Variants in RAD21L1 observed in about 807,000 individuals in gnomAD.
RAD21L1 encodes the protein double-strand-break repair protein rad21-like protein 1.
In RAD21L1, 47 loss-of-function variants were observed where a neutral mutation model predicts 69.0. The observed-to-expected ratio is 0.68, with a 90% CI of 0.54 to 0.87. RAD21L1 has a LOEUF of 0.87. RAD21L1 is among the 40% of genes least tolerant of loss of function. The probability of loss-of-function intolerance (pLI) is 0.00; values close to 1 mark genes in which losing one functional copy is unlikely to be tolerated. For synonymous variants in RAD21L1, 177 were observed against 205.8 expected (o/e 0.86, Z 1.20); for missense variants, 583 against 647.6 (o/e 0.90, Z 1.08).
At position 1,255,172 on chromosome 20, in the gene RAD21L1, C is replaced by G. The variant is rs953144140; in HGVS notation, c.*715C>G. Among the ~76,000 whole-genome samples, 4 of 152,096 alleles carry G rather than the reference C, an allele frequency of 2.6e-5. No individual in the cohort carries two copies. Among genetic ancestry groups the G allele is most frequent in the African/African-American group, 9.7e-5 (4 of 41,408 alleles). Reference sequence around the variant, plus strand: ...TTTAGTCTATTTATAGGTCACTTAACTTTTTTATTTACTATTTAATGATTA... The same window carrying G: ...TTTAGTCTATTTATAGGTCACTTAAGTTTTTTATTTACTATTTAATGATTA... On this transcript the variant is annotated 3_prime_UTR_variant, in exon 14 of 14. Coordinates refer to ENST00000683101, the MANE Select transcript of RAD21L1 (RefSeq NM_001384355.1).
chr20:1,243,212 TCTG>T lies in RAD21L1; in HGVS notation c.1183+17_1183+19del, dbSNP rs532178503. The T allele has an allele frequency of 2.1e-4, 271 of 1,276,162 alleles. 1 individual carries two copies. In the African/African-American group the frequency reaches 3.7e-3, roughly 18 times the overall value. The allele number at this position is 1,276,162 out of a possible 1,614,324, so 79.1% of individuals were successfully genotyped here. ...AATATAGTAGGTGAGACTTCTTAAT[TCTG>T]TTGATGTTGAGGGGAATGCTGTGGA... is the stretch of plus-strand genomic sequence containing the variant. On this transcript the variant is annotated intron_variant, in intron 10 of 13. Transcript: ENST00000683101.
chr20:1,234,258 T>C (rs2087451752), intron 5 of RAD21L1, 67 bp downstream of exon 5: 2 of 741,418 alleles, frequency 2.7e-6, no homozygotes, highest in Admixed American at 4.4e-5. Context: ...TGTATTGAAA[T>C]AATGCCAGTA....
chr20:1,254,291 A>C lies in RAD21L1; in HGVS notation c.1502A>C (p.Gln501Pro). 1 of 1,528,190 alleles carries C rather than the reference A, an allele frequency of 6.5e-7. No individual in the cohort carries two copies. Among genetic ancestry groups the C allele is most frequent in the South Asian group, 1.2e-5 (1 of 80,172 alleles). 94.7% of individuals were successfully genotyped at this position (1,528,190 alleles called of 1,614,324 possible). The change falls in exon 14 of 14, where the codon CAG becomes CCG. Residue 501 changes from glutamine (Q) to proline (P), a missense_variant. By Grantham distance (76) the Gln-to-Pro change is moderately conservative (BLOSUM62 -1). Coordinates refer to ENST00000683101, the MANE Select transcript of RAD21L1 (RefSeq NM_001384355.1). The part of the protein sequence containing the change: ...RLRESNKMGM[Q>P]SFSLMKLCRN... The stretch of plus-strand genomic sequence containing the variant: ...CAGGAATCTAACAAGATGGGAATGC[A>C]GTCCTTTAGTCTGATGAAGCTCTGT...
intron 7 of RAD21L1, 84 bp from the exon 8 acceptor site, chr20:1,240,231 GTTTATC>G (rs1293820427): frequency 2.1e-6 from 3 of 1,409,616 alleles, no homozygotes; most frequent in African/African-American, 1.5e-5. Flanking sequence ...TCTTCAGTTA[GTTTATC>G]TTTATCTTTA....
chr20:1,231,709 A>T (rs1055290065), intron 4 of RAD21L1, 90 bp downstream of exon 4: 2 of 686,692 alleles, frequency 2.9e-6, no homozygotes, highest in Non-Finnish European at 5.1e-6. Context: ...GAATGTAGTT[A>T]ACAACTGCAC....
rs867848786 is a variant in RAD21L1 at position 1,238,093 on chromosome 20, A to G, written c.525A>G (p.Ile175Met). The change falls in exon 6 of 14, where the codon ATA becomes ATG. Residue 175 changes from isoleucine (I) to methionine (M), a missense_variant. By Grantham distance (10) the Ile-to-Met change is conservative. Transcript: ENST00000683101. ...LRRHSFFDDNILLNSSGPLIE... is the reference protein window; with the variant it reads ...LRRHSFFDDNMLLNSSGPLIE... ...GACATAGCTTCTTTGATGACAACAT[A>G]TTACTGAATTCCAGTGGTCCTTTAA... 14 of 1,541,686 alleles carry G rather than the reference A, an allele frequency of 9.1e-6. No individual in the cohort carries two copies. Among genetic ancestry groups the G allele is most frequent in the Admixed American group, 3.9e-5 (2 of 50,930 alleles).
At chr20:1,237,871 C>G (rs2087532337) in intron 5 of RAD21L1, among the ~76,000 whole-genome samples, 173 bp from the exon 6 acceptor site, 1 of 152,152 alleles carries the variant, frequency 6.6e-6, no homozygotes, top group African/African-American at 2.4e-5. Context: ...AATCATGTCT[C>G]TACTGATTGA....
chr20:1,249,902 A>G (rs1360738955), intron 13 of RAD21L1, among the ~76,000 whole-genome samples: 1 of 152,070 alleles, frequency 6.6e-6, no homozygotes, highest in African/African-American at 2.4e-5. Flanking sequence ...CATGTGCACA[A>G]CGTGCAGGTT....
chr20:1,240,848 T>C (rs1222114443), intron 8 of RAD21L1, among the ~76,000 whole-genome samples: 3 of 152,220 alleles, frequency 2.0e-5, no homozygotes, highest in Non-Finnish European at 4.4e-5. Context: ...GGTATAAATA[T>C]GACTGCAAAA....
chr20:1,227,936 T>C (rs1336263405), intron 1 of RAD21L1, among the ~76,000 whole-genome samples: 1 of 152,214 alleles, frequency 6.6e-6, no homozygotes, highest in Non-Finnish European at 1.5e-5. Flanking sequence ...CCAGAGTATC[T>C]TGAAGAGGGC....
At chr20:1,242,553 A>G in intron 8 of RAD21L1, 66 bp from the exon 9 acceptor site, 1 of 1,221,424 alleles carries the variant, frequency 8.2e-7, no homozygotes. Flanking sequence ...TTAAGTATTT[A>G]GTGCCTACAA....
chr20:1,249,977 G>A (rs968479951), intron 13 of RAD21L1, among the ~76,000 whole-genome samples: 1 of 150,642 alleles, frequency 6.6e-6, no homozygotes, highest in Non-Finnish European at 1.5e-5. Flanking sequence ...TTTACATTAG[G>A]TATATCTCCT....
Position 1,242,846 on chromosome 20 carries a change from G to A in RAD21L1, c.1083+1G>A, listed in dbSNP as rs1272581071. On this transcript the variant is annotated splice_donor_variant, in intron 9 of 13. Transcript: ENST00000683101. LOFTEE classifies it high-confidence loss of function. Reference sequence around the variant, plus strand: ...TTTGATTCATGCTGAACTGAAAATGGTAACGGTTCCTACCCTTCTACATGT... The same window carrying A: ...TTTGATTCATGCTGAACTGAAAATGATAACGGTTCCTACCCTTCTACATGT... 4 of 1,543,804 alleles carry A rather than the reference G, an allele frequency of 2.6e-6. No individual in the cohort carries two copies. Among genetic ancestry groups the A allele is most frequent in the South Asian group, 1.2e-5 (1 of 83,908 alleles).
In RAD21L1 at chr20:1,239,405, C is replaced by T. The variant is rs555126409; in HGVS notation, c.740C>T (p.Ala247Val). 9.4e-4 allele frequency: 1,435 copies of T among 1,531,776 alleles called. 34 individuals carry two copies. The South Asian group carries it at 0.016, about 17-fold the overall frequency. 94.9% of individuals were successfully genotyped at this position (1,531,776 alleles called of 1,614,324 possible). A position where few individuals can be genotyped will look rare whatever the true frequency, so the allele number is the denominator to read the frequency against. The change falls in exon 7 of 14, where the codon GCA (alanine) becomes GTA (valine). Residue 247 changes from alanine (A) to valine (V), a missense_variant and splice_region_variant. Coordinates refer to ENST00000683101, the MANE Select transcript of RAD21L1 (RefSeq NM_001384355.1). ...SLPSEPPNSL[A>V]VEPDNSECIC... Reference sequence around the variant, plus strand: ...CCTTCTGAGCCTCCCAATAGTTTAGCAGGTAGGTTGAAATTTTCCTTTATG... The same window carrying T: ...CCTTCTGAGCCTCCCAATAGTTTAGTAGGTAGGTTGAAATTTTCCTTTATG...
At chr20:1,241,930 AC>A (rs2087616160) in intron 8 of RAD21L1, among the ~76,000 whole-genome samples, 1 of 152,166 alleles carries the variant, frequency 6.6e-6, no homozygotes, top group Non-Finnish European at 1.5e-5. Flanking sequence ...AATCCTATGG[AC>A]CTAGTTACCT....
Position 1,231,554 on chromosome 20 carries a change from T to C in RAD21L1, c.303T>C (p.Phe101=). 1 of 1,540,452 alleles carries C rather than the reference T, an allele frequency of 6.5e-7. No individual in the cohort carries two copies. The highest frequency in any genetic ancestry group is 8.8e-7 in the Non-Finnish European group (1 of 1,139,398). ...PGLVDLPKEN[F]EASYNAITLP... ...TGGTTGACCTTCCAAAAGAGAATTT[T>C]GAAGCATCTTACAATGCTATCACAT... Residue 101 remains phenylalanine, a synonymous_variant, in exon 4 of 14, where the codon TTT becomes TTC. Coordinates refer to ENST00000683101, the MANE Select transcript of RAD21L1 (RefSeq NM_001384355.1).
intron 13 of RAD21L1, among the ~76,000 whole-genome samples, chr20:1,253,047 G>T (rs894064088): frequency 1.3e-5 from 2 of 152,164 alleles, no homozygotes; most frequent in African/African-American, 4.8e-5. Flanking sequence ...GGGGGGAAAA[G>T]CCATCCAGTT....
At chr20:1,240,877 C>G (rs1341037292) in intron 8 of RAD21L1, among the ~76,000 whole-genome samples, 2 of 152,228 alleles carry the variant, frequency 1.3e-5, no homozygotes, top group Non-Finnish European at 2.9e-5. Flanking sequence ...AGCTGCTAGT[C>G]TGGGCCTGCT....
intron 11 of RAD21L1, among the ~76,000 whole-genome samples, chr20:1,244,494 ATGTTTTAGAAC>A (rs1189113090): frequency 6.6e-6 from 1 of 152,128 alleles, no homozygotes; most frequent in African/African-American, 2.4e-5. Context: ...GTGTCATGGA[ATGTTTTAGAAC>A]TGCAGCCAGT....
Sources: allele counts gnomAD v4.1 joint callset (sites outside exome capture counted in the v4.1 genomes callset), GRCh38; gene constraint gnomAD v4.1.1; transcripts MANE v1.5; gene names NCBI Gene and HGNC (gene_info 2026-07-23, HGNC 2026-07-21).